The following GNG7 variants were observed in gnomAD, a reference collection of about 807,000 sequenced individuals.
GNG7 encodes the protein G protein subunit gamma 7, also known as guanine nucleotide-binding protein G(I)/G(S)/G(O) subunit gamma-7.
Under a neutral mutation model 4.0 loss-of-function variants are expected in GNG7, and 1 was observed. The ratio of observed to expected loss-of-function variants is 0.25; its 90% CI spans 0.09 to 1.18. The LOEUF (loss-of-function observed/expected upper bound fraction) is 1.18, where lower values mean the gene tolerates loss of function less well. Among genes scored for constraint, GNG7 ranks in the 50% most tolerant of loss-of-function variants. The pLI is 0.50. For missense variants in GNG7, 86 were observed against 91.9 expected, an observed-to-expected ratio of 0.94 and a Z score of 0.26; for synonymous variants, 34 against 36.9, an observed-to-expected ratio of 0.92 and a Z score of 0.29.
rs369789153 is a variant in GNG7, at chr19:2,653,969, G to A, written c.-134-7689C>T. 1.3e-5 allele frequency among the ~76,000 whole-genome samples: 2 copies of A among 152,304 alleles called. No homozygotes were observed. Among genetic ancestry groups the A allele is most frequent in the South Asian group, 4.1e-4 (2 of 4,824 alleles). ...GCCCGGGTTCCAGAAGATGTGCCCA[G>A]CACCCTGGGCCCCCCACCGCCGGGT... On this transcript the variant is annotated intron_variant, in intron 1 of 4. Coordinates refer to ENST00000382159, the MANE Select transcript of GNG7 (RefSeq NM_052847.3). This position sits in a 1 kb window ranked among gnomAD's most constrained non-coding sequence, Gnocchi z 4.8.
intron 2 of GNG7, among the ~76,000 whole-genome samples, chr19:2,613,648 A>G (rs1479370235): frequency 6.6e-6 from 1 of 151,686 alleles, no homozygotes. Flanking sequence ...GGGGGTCTCA[A>G]TCAGGGGTGA....
At chr19:2,694,216 ATTTT>A (rs550699599) in intron 1 of GNG7, among the ~76,000 whole-genome samples, 1 of 144,216 alleles carries the variant, frequency 6.9e-6, no homozygotes, top group African/African-American at 2.6e-5. Context: ...TTTTGGGGAG[ATTTT>A]TTTGTTGCTT....
At chr19:2,693,743 C>G (rs1020747115) in intron 1 of GNG7, among the ~76,000 whole-genome samples, 12 of 152,116 alleles carry the variant, frequency 7.9e-5, no homozygotes, top group Admixed American at 5.2e-4. Context: ...TCAGTGTCCC[C>G]TGAAGGCCAG....
At chr19:2,702,032 C>T (rs1045244227) in intron 1 of GNG7, among the ~76,000 whole-genome samples, 43 of 149,164 alleles carry the variant, frequency 2.9e-4, no homozygotes, top group Non-Finnish European at 5.7e-4. Context: ...CCAGCCCCTT[C>T]CTAGCTAACC....
intron 2 of GNG7, among the ~76,000 whole-genome samples, chr19:2,597,536 G>A (rs1156792527): frequency 6.6e-6 from 1 of 151,796 alleles, no homozygotes; most frequent in Non-Finnish European, 1.5e-5. Flanking sequence ...GGTGGAGGTT[G>A]CAGTGAGCCG....
chr19:2,546,064 C>T lies in GNG7; in HGVS notation c.-38+9085G>A, dbSNP rs539046693. ...GAGAAGGCACAGGGCAACGATCAGG[C>T]GTTGATGTGTCCCCTGGCAGCTGGG... On this transcript the variant is annotated intron_variant, in intron 3 of 4. Coordinates refer to ENST00000382159, the MANE Select transcript of GNG7 (RefSeq NM_052847.3). The surrounding 1 kb of genome is among the most constrained non-coding windows in gnomAD (Gnocchi z 6.3). Among the ~76,000 whole-genome samples, 2 of 152,348 alleles carry T rather than the reference C, an allele frequency of 1.3e-5. No homozygotes were observed. The highest frequency in any genetic ancestry group is 6.5e-5 in the Admixed American group (1 of 15,306).
At chr19:2,567,256 G>A (rs1007940545) in intron 2 of GNG7, among the ~76,000 whole-genome samples, 1 of 151,458 alleles carries the variant, frequency 6.6e-6, no homozygotes, top group Non-Finnish European at 1.5e-5. Flanking sequence ...GGTTGGCCGT[G>A]ATCATTCCTG....
At chr19:2,586,674 C>G (rs775396649) in intron 2 of GNG7, among the ~76,000 whole-genome samples, 1 of 152,074 alleles carries the variant, frequency 6.6e-6, no homozygotes, top group South Asian at 2.1e-4. Context: ...CAGTGAATAT[C>G]GTGTGTAGAT....
chr19:2,602,917 C>CTTTCTTTCTT (rs1981252193), intron 2 of GNG7, among the ~76,000 whole-genome samples: 1 of 134,888 alleles, frequency 7.4e-6, no homozygotes, highest in Non-Finnish European at 1.6e-5. Flanking sequence ...TTCTTTCTTT[C>CTTTCTTTCTT]TTTCTTTTTG....
At chr19:2,659,176 A>T (rs571776296) in intron 1 of GNG7, among the ~76,000 whole-genome samples, 3 of 151,932 alleles carry the variant, frequency 2.0e-5, no homozygotes, top group Non-Finnish European at 4.4e-5. Flanking sequence ...TCACCGGGTT[A>T]GCCAGGATGG....
intron 2 of GNG7, among the ~76,000 whole-genome samples, chr19:2,623,045 T>A (rs911001413): frequency 1.3e-5 from 2 of 152,206 alleles, no homozygotes; most frequent in African/African-American, 4.8e-5. Flanking sequence ...CCAGGCTCAG[T>A]CTGAGCTCTT....
At chr19:2,529,366 C>T (rs1382053043) in intron 3 of GNG7, among the ~76,000 whole-genome samples, 2 of 152,248 alleles carry the variant, frequency 1.3e-5, no homozygotes, top group African/African-American at 2.4e-5. Context: ...TACAAGCATG[C>T]GCCACCACGC....
Position 2,677,861 on chromosome 19 carries a change from C to T in GNG7, c.-135+24785G>A, listed in dbSNP as rs185711828. 4.0e-3 allele frequency among the ~76,000 whole-genome samples: 613 copies of T among 152,302 alleles called. 8 individuals are homozygous for T. The highest frequency in any genetic ancestry group is 0.014 in the African/African-American group (578 of 41,568). ...GCCAGGGACGCTGCTCAGCACCCTA[C>T]AGTGCCCAGGATGGCCCCACCTCAG... On this transcript the variant is annotated intron_variant, in intron 1 of 4. Transcript: ENST00000382159.
chr19:2,511,723 TCAAA>T lies in GNG7; in HGVS notation c.*3295_*3298del, dbSNP rs1972658425. On this transcript the variant is annotated 3_prime_UTR_variant, in exon 5 of 5. Coordinates refer to ENST00000382159, the MANE Select transcript of GNG7 (RefSeq NM_052847.3). This position sits in a 1 kb window ranked among gnomAD's most constrained non-coding sequence, Gnocchi z 6.3. ...CGCCTCGGACACGGTGGCCGGCCCG[TCAAA>T]GGGACCACGCAGAAGGAGGGAAACA... 1.1e-6 allele frequency: 1 copy of T among 870,126 alleles called. No individual in the cohort carries two copies. The highest frequency in any genetic ancestry group is 1.4e-6 in the Non-Finnish European group (1 of 724,776). 53.9% of individuals were successfully genotyped at this position (870,126 alleles called of 1,614,324 possible). A position where few individuals can be genotyped will look rare whatever the true frequency, so the allele number is the denominator to read the frequency against.
chr19:2,523,978 G>C (rs1329605938), intron 3 of GNG7, among the ~76,000 whole-genome samples: 1 of 152,214 alleles, frequency 6.6e-6, no homozygotes, highest in Non-Finnish European at 1.5e-5. Flanking sequence ...ATTCCAGAGA[G>C]CTTCAAAGCA....
intron 3 of GNG7, among the ~76,000 whole-genome samples, chr19:2,554,273 A>T (rs1182095677): frequency 3.4e-5 from 5 of 148,354 alleles, no homozygotes; most frequent in Non-Finnish European, 7.4e-5. Flanking sequence ...AGTAGCCTCC[A>T]CCTCCTGGGC....
chr19:2,602,964 TTCTTTCTTTCTCTC>T (rs1981258331), intron 2 of GNG7, among the ~76,000 whole-genome samples: 1 of 128,916 alleles, frequency 7.8e-6, no homozygotes, highest in African/African-American at 5.0e-5. Context: ...TTCTTTCTCT[TTCTTTCTTTCTCTC>T]TCTCTTTCCT....
At chr19:2,612,670 T>TA (rs1030549381) in intron 2 of GNG7, among the ~76,000 whole-genome samples, 1 of 151,778 alleles carries the variant, frequency 6.6e-6, no homozygotes, top group African/African-American at 2.4e-5. Context: ...AAGACAATTG[T>TA]AAAATACAGC....
intron 3 of GNG7, among the ~76,000 whole-genome samples, chr19:2,545,829 A>C (rs1340427765): frequency 6.8e-6 from 1 of 147,962 alleles, no homozygotes; most frequent in African/African-American, 2.5e-5. Context: ...GGTGGTGGGC[A>C]CCTGTAATGC....
Sources: allele counts gnomAD v4.1 joint callset (sites outside exome capture counted in the v4.1 genomes callset), GRCh38; gene constraint gnomAD v4.1.1; non-coding constraint Gnocchi (gnomAD v3.1); transcripts MANE v1.5; gene names NCBI Gene and HGNC (gene_info 2026-07-23, HGNC 2026-07-21).